Variants in KLHDC1 observed in about 807,000 individuals in gnomAD.
KLHDC1 encodes the protein kelch domain-containing protein 1.
KLHDC1 carries 53 observed loss-of-function variants against 68.3 expected under a neutral mutation model. That is an observed-to-expected ratio of 0.78 (90% CI 0.62 to 0.98). KLHDC1 has a LOEUF of 0.98. Ranked by LOEUF, KLHDC1 falls within the 50% of genes least tolerant of loss-of-function variation. KLHDC1 has a pLI of 0.00. For synonymous variants in KLHDC1, 148 were observed against 159.0 expected, an observed-to-expected ratio of 0.93 and a Z score of 0.52; for missense variants, 470 against 492.3, an observed-to-expected ratio of 0.95 and a Z score of 0.43.
chr14:49,704,513 C>T (rs1055769206), intron 1 of KLHDC1, among the ~76,000 whole-genome samples: 1 of 149,940 alleles, frequency 6.7e-6, no homozygotes, highest in East Asian at 2.0e-4. Context: ...CGTGCCTCAG[C>T]CTCCTGAGTA....
chr14:49,711,206 A>G (rs1888190697), intron 4 of KLHDC1, among the ~76,000 whole-genome samples: 1 of 148,104 alleles, frequency 6.8e-6, no homozygotes, highest in South Asian at 2.1e-4. Flanking sequence ...TTGTTTATTT[A>G]TTTATTTATT....
intron 4 of KLHDC1, among the ~76,000 whole-genome samples, chr14:49,714,142 C>T (rs1017275942): frequency 5.3e-5 from 8 of 151,340 alleles, no homozygotes; most frequent in Middle Eastern, 3.4e-3. Context: ...ACACTGTGCT[C>T]AGCTAGAATA....
intron 1 of KLHDC1, among the ~76,000 whole-genome samples, chr14:49,701,694 TTTTTA>T (rs1887911279): frequency 6.6e-6 from 1 of 151,778 alleles, no homozygotes; most frequent in Non-Finnish European, 1.5e-5. Flanking sequence ...CAAAAACTGA[TTTTTA>T]AACACCAGAA....
chr14:49,714,397 C>A (rs1888313889), intron 4 of KLHDC1, among the ~76,000 whole-genome samples: 1 of 151,542 alleles, frequency 6.6e-6, no homozygotes. Context: ...GGCTTGAACC[C>A]AGGAGGTGGA....
intron 1 of KLHDC1, among the ~76,000 whole-genome samples, chr14:49,703,729 A>G (rs1887970058): frequency 6.6e-6 from 1 of 152,122 alleles, no homozygotes; most frequent in Non-Finnish European, 1.5e-5. Context: ...TTTGGCATCT[A>G]TTCTGATTGG....
intron 1 of KLHDC1, among the ~76,000 whole-genome samples, chr14:49,706,159 G>A (rs111467560): frequency 1.6e-4 from 25 of 152,118 alleles, no homozygotes; most frequent in African/African-American, 5.3e-4. Flanking sequence ...CCAGCTTCTG[G>A]TAACCATCCT....
intron 4 of KLHDC1, among the ~76,000 whole-genome samples, chr14:49,711,704 T>A (rs1888205288): frequency 6.6e-6 from 1 of 152,072 alleles, no homozygotes; most frequent in Non-Finnish European, 1.5e-5. Flanking sequence ...CTCTGTTATT[T>A]GAGTTCTTAT....
Position 49,734,637 on chromosome 14 carries a change from C to T in KLHDC1, c.872C>T (p.Thr291Ile), listed in dbSNP as rs1888890949. Residue 291 changes from threonine to isoleucine, a missense_variant, in exon 10 of 13, where the codon ACA becomes ATA. Coordinates refer to ENST00000359332, the MANE Select transcript of KLHDC1 (RefSeq NM_172193.3). ...ACAACAAATTGTTGGAAACAACTTA[C>T]ACATTTACCTAAAACAAGACCTAGG... is the stretch of plus-strand genomic sequence containing the variant. ...NVTTNCWKQL[T>I]HLPKTRPRLW... 1.3e-6 allele frequency: 2 copies of T among 1,593,628 alleles called. No homozygotes were observed. The highest frequency in any genetic ancestry group is 1.7e-6 in the Non-Finnish European group (2 of 1,166,550).
intron 1 of KLHDC1, among the ~76,000 whole-genome samples, chr14:49,696,773 T>G (rs1166528182): frequency 6.6e-6 from 1 of 152,206 alleles, no homozygotes; most frequent in Non-Finnish European, 1.5e-5. Flanking sequence ...GATTTACAAC[T>G]TGGCTAACTG....
chr14:49,718,833 T>G (rs1051823738), intron 4 of KLHDC1, among the ~76,000 whole-genome samples: 1 of 146,566 alleles, frequency 6.8e-6, no homozygotes, highest in East Asian at 2.0e-4. Flanking sequence ...TTGCCCAGGT[T>G]GGAGTGCAGT....
chr14:49,707,287 T>C (rs1888075063), intron 1 of KLHDC1, among the ~76,000 whole-genome samples: 1 of 140,768 alleles, frequency 7.1e-6, no homozygotes, highest in South Asian at 2.2e-4. Flanking sequence ...TGTGTGTGTG[T>C]GTGTGTGTGT....
In KLHDC1 at chr14:49,728,955, G is replaced by A. The variant is rs768262354; in HGVS notation, c.597G>A (p.Ala199=). Reference sequence around the variant, plus strand: ...GAGTTCCACCACAGCCACGAGCCGCGCATACATGTGCAGTTCTTGGAAATA... The same window carrying A: ...GAGTTCCACCACAGCCACGAGCCGCACATACATGTGCAGTTCTTGGAAATA... ...KGGVPPQPRA[A]HTCAVLGNKG... Residue 199 remains alanine, a synonymous_variant, in exon 7 of 13, where the codon GCG becomes GCA. Transcript: ENST00000359332. The A allele has an allele frequency of 1.4e-5, 23 of 1,613,546 alleles. No individual in the cohort carries two copies. Among genetic ancestry groups the A allele is most frequent in the Non-Finnish European group, 1.7e-5 (20 of 1,179,654 alleles).
At chr14:49,714,857 G>A (rs1888327876) in intron 4 of KLHDC1, among the ~76,000 whole-genome samples, 1 of 12,898 alleles carries the variant, frequency 7.8e-5, no homozygotes, top group Admixed American at 1.7e-3. Context: ...TATAAAATAT[G>A]TCTTTATATA....
At chr14:49,693,886 T>C (rs1342190986) in intron 1 of KLHDC1, among the ~76,000 whole-genome samples, 1 of 151,530 alleles carries the variant, frequency 6.6e-6, no homozygotes, top group Non-Finnish European at 1.5e-5. Context: ...CCCTAGTAGC[T>C]GGGCTTACCG....
chr14:49,714,412 G>A (rs1441843776), intron 4 of KLHDC1, among the ~76,000 whole-genome samples: 1 of 151,840 alleles, frequency 6.6e-6, no homozygotes, highest in African/African-American at 2.4e-5. Context: ...GGTGGAGGTT[G>A]CAGTGAGCCG....
At chr14:49,745,224 A>T (rs961485735) in intron 12 of KLHDC1, among the ~76,000 whole-genome samples, 3 of 152,228 alleles carry the variant, frequency 2.0e-5, no homozygotes, top group African/African-American at 7.2e-5. Context: ...ACTAGCTCAA[A>T]CTGGACCTTT....
At chr14:49,749,584 G>A (rs979284307) in intron 12 of KLHDC1, among the ~76,000 whole-genome samples, 89 of 151,248 alleles carry the variant, frequency 5.9e-4, no homozygotes, top group African/African-American at 2.2e-3. Flanking sequence ...AGGATGAGGA[G>A]GGAGAATTGC....
chr14:49,746,772 CTT>C (rs929624138), intron 12 of KLHDC1, among the ~76,000 whole-genome samples: 25 of 152,146 alleles, frequency 1.6e-4, no homozygotes, highest in African/African-American at 5.8e-4. Flanking sequence ...GTGGAGAACT[CTT>C]TTCATTCTTT....
At chr14:49,735,311 A>C (rs748102609) in intron 10 of KLHDC1, among the ~76,000 whole-genome samples, 41 of 152,034 alleles carry the variant, frequency 2.7e-4, no homozygotes, top group Non-Finnish European at 4.9e-4. Flanking sequence ...ATTCAGATTC[A>C]GCACATTATG....
Sources: gnomAD v4.1 joint callset for allele counts (sites outside exome capture counted in the v4.1 genomes callset) on GRCh38, gnomAD v4.1.1 for gene constraint, MANE v1.5 for transcripts, NCBI Gene and HGNC (gene_info 2026-07-23, HGNC 2026-07-21) for gene names.